The following MEIS2 variants were observed in gnomAD, a reference collection of about 807,000 sequenced individuals.
MEIS2 encodes the protein homeobox protein Meis2.
MEIS2 carries 9 observed loss-of-function variants against 58.6 expected under a neutral mutation model. The ratio of observed to expected loss-of-function variants is 0.15; its 90% CI spans 0.09 to 0.27. MEIS2 has a LOEUF of 0.27. MEIS2 is among the 10% of genes least tolerant of loss of function. MEIS2 has a pLI of 1.00. For synonymous variants in MEIS2, 221 were observed against 228.4 expected (o/e 0.97, Z 0.29); for missense variants, 427 against 635.0 (o/e 0.67, Z 3.52).
intron 6 of MEIS2, among the ~76,000 whole-genome samples, chr15:37,086,836 G>A (rs1892953739): frequency 6.6e-6 from 1 of 152,134 alleles, no homozygotes; most frequent in Non-Finnish European, 1.5e-5. Flanking sequence ...TGATAATCTG[G>A]TCAACAAAAA....
intron 8 of MEIS2, among the ~76,000 whole-genome samples, chr15:36,997,869 C>A (rs1382585097): frequency 6.6e-6 from 1 of 152,158 alleles, no homozygotes; most frequent in Non-Finnish European, 1.5e-5. Flanking sequence ...CCTGCACAGG[C>A]AGTTCATTCC....
intron 6 of MEIS2, among the ~76,000 whole-genome samples, chr15:37,087,158 A>G (rs1443424720): frequency 6.6e-6 from 1 of 152,194 alleles, no homozygotes; most frequent in African/African-American, 2.4e-5. Flanking sequence ...GCATTCAGGT[A>G]TATGCATGCC....
Position 36,892,040 on chromosome 15 carries a change from A to G in MEIS2, c.*133T>C. 1 of 974,188 alleles carries G rather than the reference A, an allele frequency of 1.0e-6. No homozygotes were observed. Among genetic ancestry groups the G allele is most frequent in the Non-Finnish European group, 1.6e-6 (1 of 636,636 alleles). The allele number at this position is 974,188 out of a possible 1,614,324, so 60.3% of individuals were successfully genotyped here. On this transcript the variant is annotated 3_prime_UTR_variant, in exon 12 of 12. Transcript: ENST00000561208. ...TGTTGCATTGGTCCTCTGTTGCTTG[A>G]TGAAAAATGACAAAAGTAAAAAATA...
intron 8 of MEIS2, among the ~76,000 whole-genome samples, chr15:36,965,522 A>T (rs2059325487): frequency 6.6e-6 from 1 of 152,236 alleles, no homozygotes; most frequent in Non-Finnish European, 1.5e-5. Context: ...GGCCTATAAC[A>T]TTTAACAAAA....
At chr15:37,027,148 A>G (rs547519707) in intron 8 of MEIS2, among the ~76,000 whole-genome samples, 5 of 152,220 alleles carry the variant, frequency 3.3e-5, no homozygotes, top group African/African-American at 1.2e-4. Context: ...TACCTAAGTC[A>G]CTATTTCTTA....
At chr15:37,065,274 C>T (rs1487205606) in intron 7 of MEIS2, among the ~76,000 whole-genome samples, 1 of 152,122 alleles carries the variant, frequency 6.6e-6, no homozygotes, top group East Asian at 1.9e-4. Context: ...CTACTATAGG[C>T]ACTGAGATAC....
At chr15:36,986,347 C>T (rs1157968910) in intron 8 of MEIS2, among the ~76,000 whole-genome samples, 3 of 152,180 alleles carry the variant, frequency 2.0e-5, no homozygotes, top group Non-Finnish European at 4.4e-5. Context: ...AACTGCATTT[C>T]GCCTTTGCCC....
intron 7 of MEIS2, among the ~76,000 whole-genome samples, chr15:37,054,309 TA>T (rs1453306071): frequency 3.3e-5 from 5 of 152,130 alleles, no homozygotes; most frequent in Admixed American, 2.6e-4. Flanking sequence ...AAATAAATTC[TA>T]AAAATGGAAG....
At position 37,020,278 on chromosome 15, in the gene MEIS2, G is replaced by C. The variant is rs557985101; in HGVS notation, c.900+16536C>G. Among the ~76,000 whole-genome samples the C allele has an allele frequency of 2.0e-5, 3 of 152,134 alleles. No homozygotes were observed. In the South Asian group the frequency reaches 6.2e-4, roughly 32 times the overall value. ...AACCGGGAAATGAGTCTCGTCTGCT[G>C]ACCTCGCTTCCCTCAGTCCTTACCC... On this transcript the variant is annotated intron_variant, in intron 8 of 11. Coordinates refer to ENST00000561208, the MANE Select transcript of MEIS2 (RefSeq NM_170675.5).
intron 7 of MEIS2, among the ~76,000 whole-genome samples, chr15:37,047,805 A>G (rs1006347980): frequency 6.6e-6 from 1 of 152,244 alleles, no homozygotes; most frequent in Non-Finnish European, 1.5e-5. Flanking sequence ...AAATTATGCA[A>G]ATAACAATTT....
intron 9 of MEIS2, among the ~76,000 whole-genome samples, chr15:36,938,614 C>T (rs1342203398): frequency 6.6e-6 from 1 of 152,206 alleles, no homozygotes; most frequent in East Asian, 1.9e-4. Context: ...TCTACCACGA[C>T]TGGCCTCTGC....
At chr15:37,047,302 T>A (rs368582388) in intron 7 of MEIS2, among the ~76,000 whole-genome samples, 35 of 152,326 alleles carry the variant, frequency 2.3e-4, no homozygotes, top group African/African-American at 5.8e-4. Flanking sequence ...AAGCTTTTTT[T>A]AATGTTCTGT....
In MEIS2 at chr15:36,909,938, C is replaced by T. The variant is rs546085483; in HGVS notation, c.978-13252G>A. 6.6e-5 allele frequency among the ~76,000 whole-genome samples: 10 copies of T among 152,056 alleles called. No individual in the cohort carries two copies. In the East Asian group the frequency reaches 1.7e-3, roughly 26 times the overall value. ...TGTGAGACTCAGAAAGGAAAGGAGA[C>T]AAAGGAGAAATAGAGGCACTTTGAG... On this transcript the variant is annotated intron_variant, in intron 9 of 11. Transcript: ENST00000561208.
intron 8 of MEIS2, among the ~76,000 whole-genome samples, chr15:36,998,950 C>T (rs776383827): frequency 5.3e-5 from 8 of 152,326 alleles, no homozygotes; most frequent in Middle Eastern, 3.4e-3. Context: ...CTAGTTCTTG[C>T]CATTCTTCTG....
At position 36,971,536 on chromosome 15, in the gene MEIS2, TTAAAAAAA is replaced by T. The variant is rs1242362753; in HGVS notation, c.901-21144_901-21137del. ...TGTATTACTTGTATGCCTTGTTACA[TTAAAAAAA>T]AAAAAAAAAAAAAAAAAAAAGGGCT... On this transcript the variant is annotated intron_variant, in intron 8 of 11. Transcript: ENST00000561208. 3.3e-3 allele frequency among the ~76,000 whole-genome samples: 218 copies of T among 65,426 alleles called. 3 individuals carry two copies. The highest frequency in any genetic ancestry group is 0.018 in the African/African-American group (203 of 11,084). The allele number at this position is 65,426 out of a possible 152,430, so 42.9% of individuals were successfully genotyped here. A position where few individuals can be genotyped will look rare whatever the true frequency, so the allele number is the denominator to read the frequency against.
chr15:36,975,947 T>G (rs1176623313), intron 8 of MEIS2, among the ~76,000 whole-genome samples: 2 of 152,228 alleles, frequency 1.3e-5, no homozygotes, highest in Non-Finnish European at 2.9e-5. Context: ...AATGTATATG[T>G]ATTTCAAAAC....
intron 8 of MEIS2, among the ~76,000 whole-genome samples, chr15:36,957,900 A>G (rs1259644346): frequency 1.3e-5 from 2 of 152,326 alleles, no homozygotes; most frequent in East Asian, 3.9e-4. Context: ...CTGTTTTATG[A>G]ACACAATATT....
chr15:36,895,333 G>A (rs900323135), intron 10 of MEIS2, 72 bp from the exon 11 acceptor site: 31 of 1,313,498 alleles, frequency 2.4e-5, no homozygotes, highest in African/African-American at 1.2e-4. Context: ...AATTGTTCCC[G>A]CTGCAGCACT....
chr15:36,957,192 G>A (rs1019378596), intron 8 of MEIS2, among the ~76,000 whole-genome samples: 3 of 152,052 alleles, frequency 2.0e-5, no homozygotes, highest in African/African-American at 4.8e-5. Flanking sequence ...TTTTAACAAT[G>A]TTTCTTAAAA....
Sources: allele counts gnomAD v4.1 joint callset (sites outside exome capture counted in the v4.1 genomes callset), GRCh38; gene constraint gnomAD v4.1.1; transcripts MANE v1.5; gene names NCBI Gene and HGNC (gene_info 2026-07-23, HGNC 2026-07-21).